Variants in SAMD8 observed in about 807,000 individuals in gnomAD.
SAMD8 encodes the protein sphingomyelin synthase-related protein 1.
A neutral mutation model predicts 42.0 loss-of-function variants in SAMD8; 20 were observed. The ratio of observed to expected loss-of-function variants is 0.48; its 90% CI spans 0.34 to 0.69. The LOEUF (loss-of-function observed/expected upper bound fraction) is 0.69. SAMD8 is among the 30% of genes least tolerant of loss of function. SAMD8 has a pLI of 0.01. For synonymous variants in SAMD8, 162 were observed against 173.0 expected (o/e 0.94, Z 0.50); for missense variants, 328 against 511.6 (o/e 0.64, Z 3.46).
chr10:75,159,698 A>G (rs1464744745), intron 2 of SAMD8, among the ~76,000 whole-genome samples: 1 of 152,138 alleles, frequency 6.6e-6, no homozygotes, highest in Non-Finnish European at 1.5e-5. Context: ...TTGGGACGAC[A>G]TTTAGATTGG....
At chr10:75,167,513 A>G (rs1400742010) in intron 3 of SAMD8, among the ~76,000 whole-genome samples, 1 of 152,214 alleles carries the variant, frequency 6.6e-6, no homozygotes, top group Non-Finnish European at 1.5e-5. Context: ...GACATGAGCC[A>G]CTGCACCTAG....
rs369729209 is a variant in SAMD8 at position 75,144,003 on chromosome 10, T to C, written c.-15-6511T>C. ...TTTTTTTGGAGTTGGAGTCTTGCTCTGTCACCCAGGCTGAAGTGCAGTGGC... is the reference window on the plus strand; with the variant it reads ...TTTTTTTGGAGTTGGAGTCTTGCTCCGTCACCCAGGCTGAAGTGCAGTGGC... On this transcript the variant is annotated intron_variant, in intron 1 of 5. Transcript: ENST00000542569. Among the ~76,000 whole-genome samples, 36 of 151,416 alleles carry C rather than the reference T, an allele frequency of 2.4e-4. 1 individual carries two copies. The East Asian group carries it at 3.7e-3, about 15-fold the overall frequency.
intron 1 of SAMD8, chr10:75,105,658 C>T: frequency 6.5e-7 from 1 of 1,548,230 alleles, no homozygotes; most frequent in East Asian, 2.4e-5. Context: ...CCTGAGGCCT[C>T]ACCTGGCCCC....
intron 4 of SAMD8, among the ~76,000 whole-genome samples, chr10:75,173,979 T>C (rs1463627647): frequency 6.6e-6 from 1 of 152,218 alleles, no homozygotes; most frequent in African/African-American, 2.4e-5. Flanking sequence ...CAGTAACATA[T>C]AAAGCACTTA....
At chr10:75,173,010 T>C (rs1184246382) in intron 4 of SAMD8, among the ~76,000 whole-genome samples, 1 of 152,186 alleles carries the variant, frequency 6.6e-6, no homozygotes, top group Admixed American at 6.5e-5. Context: ...AGGGATTTAA[T>C]TGTAGGACAG....
At chr10:75,102,700 C>T (rs890252377) in intron 1 of SAMD8, among the ~76,000 whole-genome samples, 20 of 152,106 alleles carry the variant, frequency 1.3e-4, no homozygotes, top group African/African-American at 4.6e-4. Flanking sequence ...TGCCTGTAAT[C>T]CTAGCACTTT....
upstream of SAMD8, among the ~76,000 whole-genome samples, chr10:75,107,178 T>TA (rs555314416): frequency 4.6e-5 from 7 of 152,110 alleles, no homozygotes; most frequent in East Asian, 1.4e-3. Context: ...TCTGCTAAAA[T>TA]ACAAAAATTA....
At chr10:75,119,841 G>A (rs1243162198) in intron 1 of SAMD8, among the ~76,000 whole-genome samples, 1 of 152,194 alleles carries the variant, frequency 6.6e-6, no homozygotes, top group African/African-American at 2.4e-5. Flanking sequence ...CGAGGCAGGC[G>A]GATTGCCTGA....
intron 2 of SAMD8, among the ~76,000 whole-genome samples, chr10:75,161,067 C>CA (rs562738002): frequency 1.1e-4 from 16 of 148,708 alleles, no homozygotes; most frequent in Admixed American, 3.3e-4. Flanking sequence ...GACCCTGTCT[C>CA]AAAAAAAAAA....
chr10:75,102,519 G>T (rs763137555), intron 1 of SAMD8, among the ~76,000 whole-genome samples: 5 of 152,202 alleles, frequency 3.3e-5, no homozygotes, highest in Non-Finnish European at 7.3e-5. Flanking sequence ...ATTTTAAAAG[G>T]TCCCTTGGCC....
In SAMD8 at chr10:75,168,704, G is replaced by A. The variant is rs747337171; in HGVS notation, c.792+46G>A. On this transcript the variant is annotated intron_variant, in intron 4 of 5. Coordinates refer to ENST00000542569, the MANE Select transcript of SAMD8 (RefSeq NM_001174156.2). ...TCATTCTTGTTTTTGGTGGGTTGAT[G>A]GCACACTATATGCAATAGGGCTAAG... is the stretch of plus-strand genomic sequence containing the variant. The A allele has an allele frequency of 9.0e-6, 11 of 1,219,936 alleles. No homozygotes were observed. In the South Asian group the frequency reaches 1.3e-4, roughly 15 times the overall value. The allele number at this position is 1,219,936 out of a possible 1,614,324, so 75.6% of individuals were successfully genotyped here.
upstream of SAMD8, among the ~76,000 whole-genome samples, chr10:75,109,653 A>G (rs534196233): frequency 6.6e-6 from 1 of 152,200 alleles, no homozygotes; most frequent in Non-Finnish European, 1.5e-5. Flanking sequence ...GTGGGCCACA[A>G]ATTGGGCAGG....
chr10:75,139,462 G>A (rs1839968610), intron 1 of SAMD8, among the ~76,000 whole-genome samples: 1 of 152,096 alleles, frequency 6.6e-6, no homozygotes, highest in Admixed American at 6.6e-5. Flanking sequence ...TGGGGAGATG[G>A]ATAAATTATT....
At chr10:75,124,599 C>T (rs975283223) in intron 1 of SAMD8, among the ~76,000 whole-genome samples, 30 of 138,104 alleles carry the variant, frequency 2.2e-4, no homozygotes, top group African/African-American at 7.6e-4. Context: ...GGTGACAGAA[C>T]GAGACTCCAT....
In SAMD8 at chr10:75,152,262, C is replaced by G. The variant is rs1048672006; in HGVS notation, c.578+1156C>G. Among the ~76,000 whole-genome samples the G allele has an allele frequency of 2.6e-5, 4 of 151,368 alleles. No individual in the cohort carries two copies. In the South Asian group the frequency reaches 6.2e-4, roughly 24 times the overall value. On this transcript the variant is annotated intron_variant, in intron 2 of 5. Transcript: ENST00000542569. ...ATAGGGCCGGGCGCGGTGGCTCACG[C>G]CTGTAATCCCAGCACTTTGGGAGGC...
intron 1 of SAMD8, among the ~76,000 whole-genome samples, chr10:75,135,563 T>C (rs968711982): frequency 6.6e-6 from 1 of 152,004 alleles, no homozygotes; most frequent in East Asian, 1.9e-4. Flanking sequence ...CGGTGGCTCA[T>C]GCCTGTAATC....
At position 75,180,935 on chromosome 10, in the gene SAMD8, T is replaced by A. The variant is rs561231590; in HGVS notation, c.*4243T>A. On this transcript the variant is annotated 3_prime_UTR_variant, in exon 6 of 6. Transcript: ENST00000542569. The stretch of plus-strand genomic sequence containing the variant: ...CCATTAATTTCATAGTAAGCTTTTT[T>A]AAAGGATTCTAGATCTAAATTGCCT... The A allele has an allele frequency of 7.9e-5, 12 of 152,342 alleles. No individual in the cohort carries two copies. In the East Asian group the frequency reaches 2.3e-3, roughly 29 times the overall value. 9.4% of individuals were successfully genotyped at this position (152,342 alleles called of 1,614,324 possible).
At chr10:75,158,124 A>G (rs1479885640) in intron 2 of SAMD8, among the ~76,000 whole-genome samples, 2 of 151,514 alleles carry the variant, frequency 1.3e-5, no homozygotes, top group African/African-American at 2.4e-5. Context: ...ACACCATTGC[A>G]CTCCAGCCTG....
At chr10:75,168,787 C>T (rs548332573) in intron 4 of SAMD8, 129 bp downstream of exon 4, 1 of 611,780 alleles carries the variant, frequency 1.6e-6, no homozygotes, top group African/African-American at 1.9e-5. Context: ...ATAAAAAAAA[C>T]TATAGAAATA....
Sources: gnomAD v4.1 joint callset for allele counts (sites outside exome capture counted in the v4.1 genomes callset) on GRCh38, gnomAD v4.1.1 for gene constraint, MANE v1.5 for transcripts, NCBI Gene and HGNC (gene_info 2026-07-23, HGNC 2026-07-21) for gene names.